ETV6: variants seen among roughly 807,000 people sequenced by gnomAD.
ETV6 encodes the protein transcription factor ETV6.
Under a neutral mutation model 51.1 loss-of-function variants are expected in ETV6, and 16 were observed. The ratio of observed to expected loss-of-function variants is 0.31; its 90% CI spans 0.21 to 0.48. The LOEUF (loss-of-function observed/expected upper bound fraction) is 0.48. Among genes scored for constraint, ETV6 ranks in the 20% least tolerant of loss-of-function variants. The pLI is 0.99. For missense variants in ETV6, 458 were observed against 594.8 expected (o/e 0.77, Z 2.39); for synonymous variants, 240 against 224.1 (o/e 1.07, Z -0.64).
chr12:11,753,582 C>T (rs1373455143), intron 2 of ETV6, among the ~76,000 whole-genome samples: 1 of 152,208 alleles, frequency 6.6e-6, no homozygotes, highest in East Asian at 1.9e-4. Context: ...GTGATGCTCT[C>T]CAGTTCTTCT....
At chr12:11,781,299 T>G (rs1945410330) in intron 2 of ETV6, among the ~76,000 whole-genome samples, 1 of 152,202 alleles carries the variant, frequency 6.6e-6, no homozygotes, top group Admixed American at 6.5e-5. Flanking sequence ...CTCCCCTGCT[T>G]GTGTGTATTC....
At chr12:11,838,181 C>G (rs1241146673) in intron 2 of ETV6, among the ~76,000 whole-genome samples, 1 of 152,082 alleles carries the variant, frequency 6.6e-6, no homozygotes, top group Non-Finnish European at 1.5e-5. Flanking sequence ...GAACATTCCA[C>G]CTAAGAAAGA....
At chr12:11,863,985 C>T (rs1389346166) in intron 4 of ETV6, among the ~76,000 whole-genome samples, 3 of 152,190 alleles carry the variant, frequency 2.0e-5, no homozygotes, top group African/African-American at 7.2e-5. Flanking sequence ...TCAGCTTCAT[C>T]AAGTACTTCC....
intron 1 of ETV6, among the ~76,000 whole-genome samples, chr12:11,725,621 G>A (rs1417544851): frequency 6.6e-6 from 1 of 152,182 alleles, no homozygotes; most frequent in Admixed American, 6.5e-5. Context: ...GTTGAGACCT[G>A]ATCTCCAGTG....
intron 1 of ETV6, among the ~76,000 whole-genome samples, chr12:11,663,544 T>G (rs1316859433): frequency 2.0e-5 from 3 of 152,218 alleles, no homozygotes; most frequent in African/African-American, 4.8e-5. Context: ...AAATCCAGCC[T>G]TGTTGTGGCG....
chr12:11,840,792 A>G (rs1410663875), intron 3 of ETV6: 6 of 285,694 alleles, frequency 2.1e-5, no homozygotes, highest in Non-Finnish European at 3.5e-5. Context: ...ATTTTGTCTC[A>G]TATCATCAAT....
chr12:11,828,630 T>C (rs930200723), intron 2 of ETV6, among the ~76,000 whole-genome samples: 3 of 152,184 alleles, frequency 2.0e-5, no homozygotes, highest in Non-Finnish European at 4.4e-5. Context: ...AGCTTTGAAA[T>C]CACAAGCAAA....
At chr12:11,790,500 T>C (rs1945566424) in intron 2 of ETV6, among the ~76,000 whole-genome samples, 1 of 152,046 alleles carries the variant, frequency 6.6e-6, no homozygotes, top group South Asian at 2.1e-4. Flanking sequence ...CAAGAGATGG[T>C]TGACTCTTCT....
chr12:11,838,718 C>T (rs1230877292), intron 2 of ETV6, among the ~76,000 whole-genome samples: 1 of 152,216 alleles, frequency 6.6e-6, no homozygotes, highest in Admixed American at 6.5e-5. Flanking sequence ...GAGGACCCTC[C>T]AACCACACTG....
chr12:11,794,737 G>T (rs1489861966), intron 2 of ETV6, among the ~76,000 whole-genome samples: 3 of 152,164 alleles, frequency 2.0e-5, no homozygotes, highest in South Asian at 2.1e-4. Flanking sequence ...CTGCATTTTG[G>T]CAGGAGAAAA....
chr12:11,854,329 C>T (rs568635662), intron 4 of ETV6, among the ~76,000 whole-genome samples: 15 of 152,254 alleles, frequency 9.9e-5, no homozygotes, highest in African/African-American at 2.4e-4. Flanking sequence ...TTGCCCCCAC[C>T]GCTCACCTCC....
In ETV6 at chr12:11,809,165, C is replaced by CAAA. The variant is rs11458715; in HGVS notation, c.164-29965_164-29963dup. Among the ~76,000 whole-genome samples, 22 of 132,290 alleles carry CAAA rather than the reference C, an allele frequency of 1.7e-4. 1 individual carries two copies. The highest frequency in any genetic ancestry group is 4.0e-4 in the African/African-American group (14 of 34,984). The allele number at this position is 132,290 out of a possible 152,430, so 86.8% of individuals were successfully genotyped here. A position where few individuals can be genotyped will look rare whatever the true frequency, so the allele number is the denominator to read the frequency against. ...TGGGTGACACAGGGAGACCCTGTGT[C>CAAA]AAAAAAAAAAAAGATAGGAAGTGAG... On this transcript the variant is annotated intron_variant, in intron 2 of 7. Coordinates refer to ENST00000396373, the MANE Select transcript of ETV6 (RefSeq NM_001987.5).
chr12:11,836,377 T>C (rs1426202207), intron 2 of ETV6, among the ~76,000 whole-genome samples: 1 of 152,188 alleles, frequency 6.6e-6, no homozygotes, highest in Admixed American at 6.5e-5. Context: ...AGCAGGTGGC[T>C]TGCTCTGTCA....
At chr12:11,674,564 C>T (rs1864378540) in intron 1 of ETV6, among the ~76,000 whole-genome samples, 1 of 150,374 alleles carries the variant, frequency 6.7e-6, no homozygotes, top group Non-Finnish European at 1.5e-5. Context: ...TGTGGCGCTG[C>T]TAAAATGTGT....
At chr12:11,688,849 G>A (rs907553934) in intron 1 of ETV6, among the ~76,000 whole-genome samples, 2 of 152,190 alleles carry the variant, frequency 1.3e-5, no homozygotes, top group African/African-American at 2.4e-5. Flanking sequence ...AGAGAGCAAG[G>A]TTAGAGGAGT....
chr12:11,793,027 T>C (rs905914228), intron 2 of ETV6, among the ~76,000 whole-genome samples: 2 of 152,136 alleles, frequency 1.3e-5, no homozygotes, highest in Admixed American at 6.5e-5. Flanking sequence ...CACTAATGTT[T>C]ACATTTTTAA....
intron 3 of ETV6, chr12:11,840,466 G>C (rs1054042486): frequency 2.2e-6 from 1 of 455,934 alleles, no homozygotes; most frequent in African/African-American, 2.0e-5. Flanking sequence ...TGCAGACCTC[G>C]ACTCTGATGT....
At chr12:11,746,330 G>C (rs896400711) in intron 1 of ETV6, among the ~76,000 whole-genome samples, 1 of 152,342 alleles carries the variant, frequency 6.6e-6, no homozygotes, top group South Asian at 2.1e-4. Context: ...CATCTCCCAA[G>C]CTAGTGACTG....
At chr12:11,842,772 C>G (rs1460177652) in intron 3 of ETV6, among the ~76,000 whole-genome samples, 1 of 152,186 alleles carries the variant, frequency 6.6e-6, no homozygotes, top group Non-Finnish European at 1.5e-5. Context: ...AGCAGGAAAG[C>G]TAGTTAGAGT....
Sources: gnomAD v4.1 joint callset for allele counts (sites outside exome capture counted in the v4.1 genomes callset) on GRCh38, gnomAD v4.1.1 for gene constraint, MANE v1.5 for transcripts, NCBI Gene and HGNC (gene_info 2026-07-23, HGNC 2026-07-21) for gene names.